Variants in ITGAE observed in about 807,000 individuals in gnomAD.
ITGAE encodes integrin alpha-E.
A neutral mutation model predicts 136.5 loss-of-function variants in ITGAE; 99 were observed. The ratio of observed to expected loss-of-function variants is 0.73; its 90% CI spans 0.62 to 0.86. The LOEUF is 0.86. ITGAE is among the 40% of genes least tolerant of loss of function. The pLI is 0.00. For missense variants in ITGAE, 1,447 were observed against 1,515.3 expected, an observed-to-expected ratio of 0.95 and a Z score of 0.75; for synonymous variants, 613 against 591.8, an observed-to-expected ratio of 1.04 and a Z score of -0.52.
intron 22 of ITGAE, 66 bp from the exon 23 acceptor site, chr17:3,731,249 C>T (rs2051335482): frequency 8.1e-7 from 1 of 1,240,878 alleles, no homozygotes; most frequent in Non-Finnish European, 1.2e-6. Flanking sequence ...AGACCGCTAG[C>T]TACTCGTGGA....
chr17:3,731,554 C>T (rs1431414124), intron 22 of ITGAE, among the ~76,000 whole-genome samples: 1 of 151,110 alleles, frequency 6.6e-6, no homozygotes, highest in African/African-American at 2.4e-5. Flanking sequence ...GTTGGCCAGG[C>T]TGGTCTCGAA....
At chr17:3,757,267 CT>C in intron 9 of ITGAE, 133 bp from the exon 10 acceptor site, 1 of 1,152,158 alleles carries the variant, frequency 8.7e-7, no homozygotes, top group Admixed American at 2.3e-5. Flanking sequence ...CCTCCTTTCC[CT>C]GCTCCCTGTT....
chr17:3,720,866 A>C (rs1567753236), intron 28 of ITGAE, among the ~76,000 whole-genome samples: 1 of 152,228 alleles, frequency 6.6e-6, no homozygotes, highest in East Asian at 1.9e-4. Context: ...TACAGGCGTG[A>C]GCTGCCGCGC....
intron 2 of ITGAE, among the ~76,000 whole-genome samples, chr17:3,770,853 A>G (rs573479380): frequency 4.4e-4 from 67 of 152,230 alleles, no homozygotes; most frequent in Middle Eastern, 6.8e-3. Context: ...GGCTTCTGAG[A>G]GAGGGGCTGT....
chr17:3,758,007 G>A (rs983434921), intron 8 of ITGAE, 148 bp from the exon 9 acceptor site: 4 of 888,282 alleles, frequency 4.5e-6, no homozygotes, highest in Admixed American at 5.2e-5. Context: ...GCCCCCTTAA[G>A]TCACGCAGCG....
rs1440579821 is a variant in ITGAE, at chr17:3,743,522, C to T, written c.2415G>A (p.Leu805=). Residue 805 remains leucine, a synonymous_variant, in exon 19 of 31, where the codon CTG becomes CTA. Transcript: ENST00000263087. ...EGQTDHPQPI[L]DRYTEPFAIF... ...TGGCAAAGGGCTCAGTGTAGCGGTCCAGGATGGGCTGGGGATGGTCCGTCT... is the reference window on the plus strand; with the variant it reads ...TGGCAAAGGGCTCAGTGTAGCGGTCTAGGATGGGCTGGGGATGGTCCGTCT... The T allele has an allele frequency of 6.2e-7, 1 of 1,610,220 alleles. No individual in the cohort carries two copies. The highest frequency in any genetic ancestry group is 1.1e-5 in the South Asian group (1 of 90,512).
intron 1 of ITGAE, 25 bp from the exon 2 acceptor site, chr17:3,777,685 A>G: frequency 6.3e-7 from 1 of 1,591,340 alleles, no homozygotes; most frequent in Non-Finnish European, 8.6e-7. Context: ...GGAGCGTTTA[A>G]TGAAAGAGGC....
intron 17 of ITGAE, among the ~76,000 whole-genome samples, chr17:3,747,342 G>A (rs1292463510): frequency 1.3e-5 from 2 of 152,010 alleles, no homozygotes; most frequent in Admixed American, 6.6e-5. Flanking sequence ...TTCTGAGACG[G>A]AGTCTCGCTC....
chr17:3,775,587 G>A (rs888408580), intron 2 of ITGAE, among the ~76,000 whole-genome samples: 1 of 151,586 alleles, frequency 6.6e-6, no homozygotes, highest in Non-Finnish European at 1.5e-5. Flanking sequence ...AGCCTCCCAA[G>A]AACCTGGGAT....
intron 14 of ITGAE, among the ~76,000 whole-genome samples, chr17:3,752,135 C>T (rs1311660117): frequency 2.0e-5 from 3 of 152,184 alleles, no homozygotes; most frequent in African/African-American, 4.8e-5. Context: ...CCAGGATGCA[C>T]GCTCACTGGC....
At chr17:3,727,589 CG>C (rs1212582739) in intron 26 of ITGAE, among the ~76,000 whole-genome samples, 3 of 151,770 alleles carry the variant, frequency 2.0e-5, no homozygotes, top group African/African-American at 7.3e-5. Context: ...TTAGTAGAGA[CG>C]GGGTTTCACC....
chr17:3,733,510 C>T (rs746635658), intron 21 of ITGAE, among the ~76,000 whole-genome samples: 2 of 152,130 alleles, frequency 1.3e-5, no homozygotes, highest in Non-Finnish European at 1.5e-5. Context: ...CAATCTCCAC[C>T]TCCGGGTTCA....
At chr17:3,797,567 TCTC>T in intron 1 of ITGAE, among the ~76,000 whole-genome samples, 1 of 151,334 alleles carries the variant, frequency 6.6e-6, no homozygotes, top group East Asian at 2.0e-4. Flanking sequence ...TTCAAGCAAT[TCTC>T]CTGCCTCAGC....
intron 1 of ITGAE, among the ~76,000 whole-genome samples, chr17:3,787,935 C>T (rs571923525): frequency 1.8e-3 from 267 of 152,240 alleles, no homozygotes; most frequent in African/African-American, 3.4e-3. Context: ...GTGATCCACC[C>T]GTCTTGGCCT....
rs543991999 is a variant in ITGAE at position 3,777,532 on chromosome 17, C to A, written c.155+8G>T. 6 of 1,607,000 alleles carry A rather than the reference C, an allele frequency of 3.7e-6. 1 individual carries two copies. In the South Asian group the frequency reaches 6.6e-5, roughly 18 times the overall value. The stretch of plus-strand genomic sequence containing the variant: ...TCTGAAGGCCTCTTGCCCACCGGCC[C>A]TACTCACCAGGTCTGGTTGGTGCTG... On this transcript the variant is annotated splice_region_variant and intron_variant, in intron 2 of 30. Coordinates refer to ENST00000263087, the MANE Select transcript of ITGAE (RefSeq NM_002208.5).
intron 12 of ITGAE, among the ~76,000 whole-genome samples, chr17:3,754,267 T>A (rs1193664914): frequency 5.9e-5 from 9 of 151,824 alleles, no homozygotes; most frequent in Non-Finnish European, 1.2e-4. Context: ...TTATTATTTT[T>A]ATTTATTTAT....
intron 29 of ITGAE, among the ~76,000 whole-genome samples, chr17:3,718,806 T>G (rs1406011749): frequency 6.6e-6 from 1 of 152,270 alleles, no homozygotes; most frequent in Non-Finnish European, 1.5e-5. Flanking sequence ...TTTCATTTGG[T>G]ACCATTCTCT....
chr17:3,769,043 C>A (rs886255464), intron 2 of ITGAE, among the ~76,000 whole-genome samples: 1 of 152,150 alleles, frequency 6.6e-6, no homozygotes, highest in African/African-American at 2.4e-5. Flanking sequence ...CCCTGCCTCT[C>A]TCCCCAGCCC....
At chr17:3,716,329 G>A (rs2050943751) in intron 30 of ITGAE, among the ~76,000 whole-genome samples, 1 of 152,138 alleles carries the variant, frequency 6.6e-6, no homozygotes, top group African/African-American at 2.4e-5. Flanking sequence ...CTGTTTTAAG[G>A]CCTTACCGTT....
Sources: gnomAD v4.1 joint callset for allele counts (sites outside exome capture counted in the v4.1 genomes callset) on GRCh38, gnomAD v4.1.1 for gene constraint, MANE v1.5 for transcripts, NCBI Gene and HGNC (gene_info 2026-07-23, HGNC 2026-07-21) for gene names.